Variants in GRIP1 observed in about 807,000 individuals in gnomAD.
GRIP1 encodes the protein glutamate receptor-interacting protein 1.
In GRIP1, 45 loss-of-function variants were observed where a neutral mutation model predicts 129.9. The ratio of observed to expected loss-of-function variants is 0.35; its 90% CI spans 0.27 to 0.44. The LOEUF is 0.44. Ranked by LOEUF, GRIP1 falls within the 20% of genes least tolerant of loss-of-function variation. The pLI is 1.00. For missense variants in GRIP1, 1,196 were observed against 1,396.8 expected (o/e 0.86, Z 2.29); for synonymous variants, 530 against 520.8 (o/e 1.02, Z -0.24).
At chr12:66,962,168 C>T (rs192418975) in intron 1 of GRIP1, among the ~76,000 whole-genome samples, 107 of 152,114 alleles carry the variant, frequency 7.0e-4, no homozygotes, top group African/African-American at 2.4e-3. Context: ...CAAGCATAGC[C>T]CAAGCTAACA....
chr12:66,788,863 C>A (rs999755578), intron 1 of GRIP1, among the ~76,000 whole-genome samples: 1 of 152,132 alleles, frequency 6.6e-6, no homozygotes, highest in African/African-American at 2.4e-5. Flanking sequence ...AGCTAAGCTG[C>A]ACCAGTATTC....
chr12:66,893,934 C>T lies in GRIP1; in HGVS notation c.58+175116G>A, dbSNP rs1037917123. 6.6e-5 allele frequency among the ~76,000 whole-genome samples: 10 copies of T among 152,238 alleles called. No individual in the cohort carries two copies. The East Asian group carries it at 1.2e-3, about 18-fold the overall frequency. ...CCCTATACAACCCAGCCCCTGATCC[C>T]GCTCTAGCTTCATCTCTATTCCTCT... On this transcript the variant is annotated intron_variant, in intron 1 of 1. Coordinates refer to the GRIP1 transcript ENST00000643019.
At chr12:66,750,319 G>C (rs1164234152) in intron 1 of GRIP1, among the ~76,000 whole-genome samples, 2 of 152,154 alleles carry the variant, frequency 1.3e-5, no homozygotes, top group African/African-American at 4.8e-5. Context: ...CTGGGGCAGG[G>C]TGCTGCTATT....
chr12:66,911,211 T>C (rs1460316562), intron 1 of GRIP1, among the ~76,000 whole-genome samples: 8 of 152,202 alleles, frequency 5.3e-5, no homozygotes, highest in African/African-American at 1.9e-4. Context: ...CTTTAATATC[T>C]GGAAATTGGC....
chr12:66,697,364 C>T (rs1159999735), intron 1 of GRIP1, among the ~76,000 whole-genome samples: 6 of 152,262 alleles, frequency 3.9e-5, no homozygotes, highest in Admixed American at 3.9e-4. Context: ...TTCCAGACTT[C>T]CTTAGAGAGA....
chr12:66,644,968 T>C (rs1031541849), intron 1 of GRIP1, among the ~76,000 whole-genome samples: 21 of 152,316 alleles, frequency 1.4e-4, no homozygotes, highest in Non-Finnish European at 4.4e-5. Flanking sequence ...AGAACAGGCA[T>C]TTTTACTGGT....
chr12:66,752,133 A>G (rs2037145968), intron 1 of GRIP1, among the ~76,000 whole-genome samples: 1 of 152,200 alleles, frequency 6.6e-6, no homozygotes, highest in Non-Finnish European at 1.5e-5. Flanking sequence ...ATGAAACGAT[A>G]TATTTATAAC....
chr12:66,475,589 C>T (rs1157857094), intron 7 of GRIP1, among the ~76,000 whole-genome samples: 1 of 152,148 alleles, frequency 6.6e-6, no homozygotes, highest in East Asian at 1.9e-4. Flanking sequence ...TAAAGCACTC[C>T]TCAGCAAATG....
At chr12:66,383,862 C>T (rs775481025) in intron 19 of GRIP1, among the ~76,000 whole-genome samples, 7 of 152,166 alleles carry the variant, frequency 4.6e-5, no homozygotes, top group Non-Finnish European at 7.3e-5. Flanking sequence ...TGGTCAATGA[C>T]GTAGCTAAGG....
intron 1 of GRIP1, among the ~76,000 whole-genome samples, chr12:66,766,301 G>A (rs2037635620): frequency 6.6e-6 from 1 of 152,248 alleles, no homozygotes; most frequent in Middle Eastern, 3.4e-3. Context: ...CCATTCTAGG[G>A]GCTCCCCTGG....
chr12:66,520,556 A>G (rs546536213), intron 5 of GRIP1, among the ~76,000 whole-genome samples: 34 of 152,232 alleles, frequency 2.2e-4, no homozygotes, highest in African/African-American at 7.5e-4. Context: ...GCAACATTCA[A>G]TCATTCACTT....
At chr12:66,578,404 T>C (rs2870857) in intron 2 of GRIP1, among the ~76,000 whole-genome samples, 37,193 of 151,478 alleles carry the variant, frequency 0.25, 4,694 homozygotes, top group Admixed American at 0.28. Context: ...AGACAGTGGG[T>C]GCAGGTCAGT....
chr12:66,599,103 C>T (rs988798231), intron 1 of GRIP1, among the ~76,000 whole-genome samples: 5 of 152,168 alleles, frequency 3.3e-5, no homozygotes, highest in Non-Finnish European at 4.4e-5. Flanking sequence ...AAGGTTGAAA[C>T]TGAATTATAG....
chr12:66,801,651 T>C (rs948727596), intron 1 of GRIP1, among the ~76,000 whole-genome samples: 2 of 152,120 alleles, frequency 1.3e-5, no homozygotes, highest in African/African-American at 4.8e-5. Context: ...TGGAGAATTT[T>C]CTGGGAGGTT....
chr12:66,356,491 A>T (rs2054495503), intron 23 of GRIP1, among the ~76,000 whole-genome samples: 1 of 151,954 alleles, frequency 6.6e-6, no homozygotes, highest in Non-Finnish European at 1.5e-5. Context: ...CAGATAGGAG[A>T]TTTCTGCTCC....
chr12:66,588,795 C>T (rs945889201), intron 2 of GRIP1, among the ~76,000 whole-genome samples: 4 of 151,536 alleles, frequency 2.6e-5, no homozygotes, highest in African/African-American at 7.3e-5. Context: ...ATAATGAAAC[C>T]CCATCTCTAC....
chr12:66,587,015 C>T (rs2063664277), intron 2 of GRIP1, among the ~76,000 whole-genome samples: 1 of 152,200 alleles, frequency 6.6e-6, no homozygotes, highest in Admixed American at 6.5e-5. Flanking sequence ...AAAAGCTCTA[C>T]AGGACACAGC....
At chr12:66,899,099 A>G (rs1482893446) in intron 1 of GRIP1, among the ~76,000 whole-genome samples, 1 of 152,092 alleles carries the variant, frequency 6.6e-6, no homozygotes, top group African/African-American at 2.4e-5. Flanking sequence ...AACTCACTCT[A>G]ATTTCTCAAT....
intron 11 of GRIP1, among the ~76,000 whole-genome samples, chr12:66,446,094 G>GCCCCCCCCCCCCCCCC (rs1555185775): frequency 1.6e-4 from 23 of 140,396 alleles, no homozygotes; most frequent in African/African-American, 2.6e-4. Flanking sequence ...CATTCCTCCT[G>GCCCCCCCCCCCCCCCC]CCGCCCCCCA....
Sources: gnomAD v4.1 joint callset for allele counts (sites outside exome capture counted in the v4.1 genomes callset) on GRCh38, gnomAD v4.1.1 for gene constraint, MANE v1.5 for transcripts, NCBI Gene and HGNC (gene_info 2026-07-23, HGNC 2026-07-21) for gene names.